PARD3: variants seen among roughly 807,000 people sequenced by gnomAD.
PARD3 encodes the protein par-3 family cell polarity regulator.
In PARD3, 75 loss-of-function variants were observed where a neutral mutation model predicts 155.4. The ratio of observed to expected loss-of-function variants is 0.48; its 90% confidence interval spans 0.40 to 0.58. The LOEUF is 0.58. Ranked by LOEUF, PARD3 falls within the 20% of genes least tolerant of loss-of-function variation. The pLI, the probability that PARD3 is intolerant of heterozygous loss-of-function variation, is 0.00. For synonymous variants in PARD3, 576 were observed against 610.5 expected, an observed-to-expected ratio of 0.94 and a Z score of 0.83; for missense variants, 1,642 against 1,721.7, an observed-to-expected ratio of 0.95 and a Z score of 0.82.
At chr10:34,118,561 G>A (rs925530194) in intron 24 of PARD3, among the ~76,000 whole-genome samples, 4 of 152,022 alleles carry the variant, frequency 2.6e-5, no homozygotes, top group Admixed American at 2.6e-4. Flanking sequence ...GCCCAGGCTG[G>A]TCTCGAACTC....
intron 5 of PARD3, among the ~76,000 whole-genome samples, chr10:34,407,962 A>C (rs1004051484): frequency 6.6e-6 from 1 of 152,218 alleles, no homozygotes; most frequent in African/African-American, 2.4e-5. Flanking sequence ...ACAGGAACAC[A>C]AATGTTTACA....
At chr10:34,226,541 C>T (rs546056959) in intron 22 of PARD3, among the ~76,000 whole-genome samples, 1 of 152,250 alleles carries the variant, frequency 6.6e-6, no homozygotes, top group East Asian at 1.9e-4. Context: ...AAGAGCGAAA[C>T]TTTGTCTCAA....
At chr10:34,229,591 A>G (rs143999121) in intron 22 of PARD3, among the ~76,000 whole-genome samples, 27 of 151,952 alleles carry the variant, frequency 1.8e-4, no homozygotes, top group Non-Finnish European at 2.4e-4. Flanking sequence ...ATGCCTAAAT[A>G]TGCCTCTTTA....
chr10:34,177,503 A>C (rs935737535), intron 22 of PARD3, among the ~76,000 whole-genome samples: 13 of 152,366 alleles, frequency 8.5e-5, no homozygotes, highest in Non-Finnish European at 1.3e-4. Flanking sequence ...CCTCTACCTT[A>C]GACAAAGTAA....
chr10:34,762,246 CA>C (rs1386255558), intron 1 of PARD3, among the ~76,000 whole-genome samples: 1 of 143,760 alleles, frequency 7.0e-6, no homozygotes, highest in Non-Finnish European at 1.5e-5. Context: ...AAGAGAGAGG[CA>C]GGGAGGGAGA....
chr10:34,250,224 G>A (rs1014365246), intron 22 of PARD3, among the ~76,000 whole-genome samples: 3 of 150,316 alleles, frequency 2.0e-5, no homozygotes, highest in African/African-American at 7.5e-5. Flanking sequence ...GAAAAAAAAA[G>A]TTGGATCAAT....
chr10:34,509,642 A>G (rs1351834113), intron 3 of PARD3, among the ~76,000 whole-genome samples: 1 of 152,232 alleles, frequency 6.6e-6, no homozygotes, highest in Non-Finnish European at 1.5e-5. Flanking sequence ...GTTAAATAAA[A>G]TATAATTTTA....
chr10:34,552,701 C>T (rs979145600), intron 2 of PARD3, among the ~76,000 whole-genome samples: 2 of 138,060 alleles, frequency 1.4e-5, no homozygotes, highest in East Asian at 4.1e-4. Context: ...GCAACAAGAA[C>T]AAAACTCCAT....
intron 2 of PARD3, among the ~76,000 whole-genome samples, chr10:34,659,316 GTTT>G (rs902791640): frequency 2.6e-5 from 4 of 152,078 alleles, no homozygotes; most frequent in African/African-American, 9.7e-5. Flanking sequence ...AAACTTTTTA[GTTT>G]TTTTAATGAT....
Position 34,111,535 on chromosome 10 carries a change from G to T in PARD3, c.3696C>A (p.Val1232=). 1 of 1,599,062 alleles carries T rather than the reference G, an allele frequency of 6.3e-7. No homozygotes were observed. The highest frequency in any genetic ancestry group is 8.5e-7 in the Non-Finnish European group (1 of 1,169,700). ...AGTTCTGCTCCCAAGAGTCCTGGGA[G>T]ACCGAGCTGGCATTTTTCCTGCTTT... ...PRQSRKNASS[V]SQDSWEQNYS... The change falls in exon 25 of 25, where the codon GTC becomes GTA. Residue 1232 remains valine (V), a synonymous_variant. Coordinates refer to ENST00000374788, the MANE Select transcript of PARD3 (RefSeq NM_001184785.2).
intron 1 of PARD3, among the ~76,000 whole-genome samples, chr10:34,795,538 G>A (rs1842159340): frequency 6.6e-6 from 1 of 152,040 alleles, no homozygotes; most frequent in South Asian, 2.1e-4. Flanking sequence ...CTTGAGCCCA[G>A]CATTTTGAGG....
At chr10:34,385,572 A>G (rs1842271558) in intron 7 of PARD3, among the ~76,000 whole-genome samples, 1 of 152,134 alleles carries the variant, frequency 6.6e-6, no homozygotes. Flanking sequence ...AAAATTGAGA[A>G]TCCAGTATAA....
intron 2 of PARD3, among the ~76,000 whole-genome samples, chr10:34,636,356 G>A (rs1256140628): frequency 2.6e-5 from 4 of 152,032 alleles, no homozygotes; most frequent in African/African-American, 9.7e-5. Flanking sequence ...TCCTCCATCC[G>A]GGCTCGGGGC....
intron 6 of PARD3, 56 bp from the exon 7 acceptor site, chr10:34,399,469 C>CCAAAA (rs958334645): frequency 5.9e-6 from 7 of 1,178,646 alleles, no homozygotes; most frequent in South Asian, 5.0e-5. Context: ...CAAACCAAAA[C>CCAAAA]CAAAACAAAA....
intron 12 of PARD3, among the ~76,000 whole-genome samples, chr10:34,362,887 TTAAAA>T (rs761377570): frequency 6.6e-6 from 1 of 152,254 alleles, no homozygotes; most frequent in African/African-American, 2.4e-5. Context: ...ATTTTGATGT[TTAAAA>T]TACAAAACAA....
intron 5 of PARD3, among the ~76,000 whole-genome samples, chr10:34,405,328 G>C (rs1181844755): frequency 6.6e-6 from 1 of 151,966 alleles, no homozygotes; most frequent in Non-Finnish European, 1.5e-5. Flanking sequence ...CATTTTAAGA[G>C]TATATACATG....
intron 22 of PARD3, among the ~76,000 whole-genome samples, chr10:34,173,893 T>C (rs1241216531): frequency 6.6e-6 from 1 of 152,224 alleles, no homozygotes; most frequent in Non-Finnish European, 1.5e-5. Flanking sequence ...CCAGGAATTC[T>C]AGCTATCATC....
intron 1 of PARD3, among the ~76,000 whole-genome samples, chr10:34,738,249 T>C (rs972691668): frequency 6.6e-6 from 1 of 152,202 alleles, no homozygotes; most frequent in East Asian, 1.9e-4. Flanking sequence ...TCTAATAAGA[T>C]AGCTGGAGGG....
At chr10:34,636,583 G>A (rs1490818536) in intron 2 of PARD3, among the ~76,000 whole-genome samples, 7 of 152,194 alleles carry the variant, frequency 4.6e-5, no homozygotes, top group Admixed American at 2.6e-4. Flanking sequence ...GTCACCTCAC[G>A]AAGAGTCAAA....
Sources: allele counts gnomAD v4.1 joint callset (sites outside exome capture counted in the v4.1 genomes callset), GRCh38; gene constraint gnomAD v4.1.1; transcripts MANE v1.5; gene names NCBI Gene and HGNC (gene_info 2026-07-23, HGNC 2026-07-21).